LOC128706665: variants seen among roughly 807,000 people sequenced by gnomAD.
the LOC128706665 span, among the ~76,000 whole-genome samples, chr20:10,414,867 C>A: frequency 6.6e-6 from 1 of 152,108 alleles, no homozygotes; most frequent in Admixed American, 6.5e-5. Context: ...TATCATTTTA[C>A]GTTATCAATC....
At chr20:10,431,428 G>A in the LOC128706665 span, among the ~76,000 whole-genome samples, 4 of 152,018 alleles carry the variant, frequency 2.6e-5, no homozygotes, top group African/African-American at 9.7e-5. Context: ...GAACTACCAA[G>A]AAGAGTAAGG....
chr20:10,422,219 T>C, the LOC128706665 span, among the ~76,000 whole-genome samples: 9 of 152,146 alleles, frequency 5.9e-5, no homozygotes, highest in African/African-American at 1.9e-4. Context: ...TATAAGGACT[T>C]TGTGGCAAAA....
At chr20:10,423,861 A>C in the LOC128706665 span, among the ~76,000 whole-genome samples, 1 of 152,248 alleles carries the variant, frequency 6.6e-6, no homozygotes, top group African/African-American at 2.4e-5. Context: ...ACTGAGACTC[A>C]GTACAGTATT....
At chr20:10,424,248 T>TA in the LOC128706665 span, among the ~76,000 whole-genome samples, 1 of 151,300 alleles carries the variant, frequency 6.6e-6, no homozygotes. Flanking sequence ...GAAAAAAATA[T>TA]ATATTAAATA....
chr20:10,421,850 G>A, the LOC128706665 span, among the ~76,000 whole-genome samples: 1 of 151,928 alleles, frequency 6.6e-6, no homozygotes, highest in Admixed American at 6.6e-5. Context: ...TTGATGATCT[G>A]TTGGGTTTGG....
At chr20:10,419,335 A>C in the LOC128706665 span, among the ~76,000 whole-genome samples, 1 of 152,170 alleles carries the variant, frequency 6.6e-6, no homozygotes, top group Admixed American at 6.5e-5. Context: ...AGATTTTATA[A>C]ATACAATATA....
the LOC128706665 span, among the ~76,000 whole-genome samples, chr20:10,417,698 A>T: frequency 6.6e-6 from 1 of 152,226 alleles, no homozygotes; most frequent in Non-Finnish European, 1.5e-5. Context: ...CATCATCATC[A>T]AAAGTGGATC....
At chr20:10,422,788 T>C in the LOC128706665 span, among the ~76,000 whole-genome samples, 6 of 151,728 alleles carry the variant, frequency 4.0e-5, no homozygotes, top group Non-Finnish European at 1.5e-5. Flanking sequence ...CTCAGCTCAC[T>C]GCAAGCTCCG....
the LOC128706665 span, among the ~76,000 whole-genome samples, chr20:10,423,688 A>T: frequency 6.6e-6 from 1 of 152,340 alleles, no homozygotes; most frequent in African/African-American, 2.4e-5. Flanking sequence ...TCTCCCAGTT[A>T]AAGATAAAAG....
chr20:10,430,357 T>C, the LOC128706665 span, among the ~76,000 whole-genome samples: 5 of 152,238 alleles, frequency 3.3e-5, no homozygotes, highest in African/African-American at 1.2e-4. Flanking sequence ...TTCCATTGTG[T>C]GTACAATGTG....
the LOC128706665 span, among the ~76,000 whole-genome samples, chr20:10,416,323 G>C: frequency 6.6e-6 from 1 of 151,662 alleles, no homozygotes; most frequent in Admixed American, 6.6e-5. Flanking sequence ...ATGATTATAG[G>C]TATGAGGTAA....
the LOC128706665 span, among the ~76,000 whole-genome samples, chr20:10,415,569 A>G: frequency 6.6e-6 from 1 of 152,204 alleles, no homozygotes; most frequent in African/African-American, 2.4e-5. Context: ...TATTGATGCC[A>G]GGAACAGCCA....
the LOC128706665 span, among the ~76,000 whole-genome samples, chr20:10,431,527 A>AAAACCAAACCAAACCAAACC: frequency 2.0e-5 from 3 of 150,728 alleles, no homozygotes; most frequent in African/African-American, 7.4e-5. Flanking sequence ...ATAGGGTCAA[A>AAAACCAAACCAAACCAAACC]AAACCAAACC....
At chr20:10,421,019 C>A in the LOC128706665 span, among the ~76,000 whole-genome samples, 1 of 152,176 alleles carries the variant, frequency 6.6e-6, no homozygotes. Flanking sequence ...ACATTACCTG[C>A]TGGAAAAGCT....
At chr20:10,426,366 T>G in the LOC128706665 span, among the ~76,000 whole-genome samples, 1 of 152,186 alleles carries the variant, frequency 6.6e-6, no homozygotes, top group Admixed American at 6.5e-5. Context: ...CCCTTGAGGA[T>G]CACTGAGGTC....
chr20:10,422,995 G>A, the LOC128706665 span, among the ~76,000 whole-genome samples: 3 of 152,122 alleles, frequency 2.0e-5, no homozygotes, highest in Non-Finnish European at 4.4e-5. Context: ...ACAGGTGTGA[G>A]CCACTGCGCC....
chr20:10,419,199 T>C, the LOC128706665 span, among the ~76,000 whole-genome samples: 1 of 152,124 alleles, frequency 6.6e-6, no homozygotes, highest in African/African-American at 2.4e-5. Context: ...TAACAAAACT[T>C]AGAGCATATT....
chr20:10,418,402 T>C, the LOC128706665 span, among the ~76,000 whole-genome samples: 60 of 152,336 alleles, frequency 3.9e-4, no homozygotes, highest in Non-Finnish European at 7.4e-4. Context: ...GGCATGTATG[T>C]AATTTTCCAT....
the LOC128706665 span, among the ~76,000 whole-genome samples, chr20:10,426,722 G>A: frequency 1.4e-4 from 22 of 152,148 alleles, no homozygotes; most frequent in Non-Finnish European, 3.2e-4. Flanking sequence ...TGATTTTCAT[G>A]TCAGGTATAT....
Sources: allele counts gnomAD v4.1 joint callset (sites outside exome capture counted in the v4.1 genomes callset), GRCh38; gene constraint gnomAD v4.1.1; transcripts MANE v1.5.